Variants in ATG7 observed in about 807,000 individuals in gnomAD.
ATG7 encodes ubiquitin-like modifier-activating enzyme ATG7.
In ATG7, 70 loss-of-function variants were observed where a neutral mutation model predicts 82.4. The observed-to-expected ratio is 0.85, with a 90% CI of 0.70 to 1.04. The LOEUF is 1.04. Among genes scored for constraint, ATG7 ranks in the 50% least tolerant of loss-of-function variants. The pLI is 0.00. For synonymous variants in ATG7, 287 were observed against 313.0 expected (o/e 0.92, Z 0.88); for missense variants, 792 against 864.3 (o/e 0.92, Z 1.05).
chr3:11,569,036 C>T, the ATG7 span: 2 of 728,394 alleles, frequency 2.7e-6, no homozygotes, highest in South Asian at 1.1e-4. Context: ...GCCACACGCT[C>T]TCTAAGCTAA....
intron 19 of ATG7, among the ~76,000 whole-genome samples, chr3:11,385,174 C>T (rs1183467703): frequency 6.6e-6 from 1 of 152,102 alleles, no homozygotes. Flanking sequence ...GGACTACAGG[C>T]GTGCGCCACC....
intron 11 of ATG7, among the ~76,000 whole-genome samples, chr3:11,333,455 C>G (rs555743512): frequency 6.6e-6 from 1 of 152,270 alleles, no homozygotes; most frequent in East Asian, 1.9e-4. Flanking sequence ...TTGTTATATA[C>G]TTAAAGTTGT....
chr3:11,528,122 A>T (rs1053726815), intron 20 of ATG7, among the ~76,000 whole-genome samples: 3 of 152,226 alleles, frequency 2.0e-5, no homozygotes, highest in Non-Finnish European at 4.4e-5. Context: ...GAACAACTTA[A>T]TGAAGTAAAG....
intron 20 of ATG7, among the ~76,000 whole-genome samples, chr3:11,436,872 C>T (rs1015298286): frequency 6.6e-6 from 1 of 152,086 alleles, no homozygotes; most frequent in African/African-American, 2.4e-5. Context: ...TCCATATAGT[C>T]AAGAAAGTAG....
At chr3:11,358,237 G>A (rs1167525978) in intron 14 of ATG7, among the ~76,000 whole-genome samples, 181 bp from the exon 15 acceptor site, 1 of 152,078 alleles carries the variant, frequency 6.6e-6, no homozygotes, top group African/African-American at 2.4e-5. Flanking sequence ...GATAGGTCAA[G>A]GTGTTCTAGG....
chr3:11,294,031 A>AG (rs201963236), intron 3 of ATG7, among the ~76,000 whole-genome samples: 5,495 of 150,946 alleles, frequency 0.036, 113 homozygotes, highest in African/African-American at 0.048. Context: ...AAAAAAAAAA[A>AG]AAAGAAAAAG....
chr3:11,489,495 T>TTC, intron 20 of ATG7, among the ~76,000 whole-genome samples: 1 of 78,558 alleles, frequency 1.3e-5, no homozygotes, highest in Non-Finnish European at 2.6e-5. Flanking sequence ...TTCTGCTCTT[T>TTC]AGTTATTTCT....
Position 11,291,304 on chromosome 3 carries a change from T to C in ATG7, c.-10-7382T>C, listed in dbSNP as rs561144329. ...TAGCTCTGGCCAGGGCCTTTTTGTT[T>C]TGACTGTTGGAGAGGAGGTTAGCTT... On this transcript the variant is annotated intron_variant, in intron 3 of 20. Transcript: ENST00000693202. Among the ~76,000 whole-genome samples, 6 of 152,350 alleles carry C rather than the reference T, an allele frequency of 3.9e-5. 1 individual carries two copies. In the South Asian group the frequency reaches 1.2e-3, roughly 32 times the overall value.
At chr3:11,396,718 G>A (rs1235978965) in intron 19 of ATG7, among the ~76,000 whole-genome samples, 1 of 149,506 alleles carries the variant, frequency 6.7e-6, no homozygotes, top group Non-Finnish European at 1.5e-5. Flanking sequence ...AGAGGTGAAA[G>A]TTGCAGTGAG....
At chr3:11,334,827 G>A (rs73127221) in intron 11 of ATG7, among the ~76,000 whole-genome samples, 2,120 of 151,608 alleles carry the variant, frequency 0.014, 50 homozygotes, top group African/African-American at 0.048. Flanking sequence ...GTGTGGTGGC[G>A]GGCGTCTGTA....
chr3:11,562,962 C>T, the ATG7 span, among the ~76,000 whole-genome samples: 2 of 152,244 alleles, frequency 1.3e-5, no homozygotes. Flanking sequence ...GGCAGCCAGG[C>T]CCATTCCAGG....
At chr3:11,405,383 TAGG>T (rs2080233347) in intron 19 of ATG7, among the ~76,000 whole-genome samples, 1 of 152,152 alleles carries the variant, frequency 6.6e-6, no homozygotes, top group African/African-American at 2.4e-5. Flanking sequence ...GCGATGAGAA[TAGG>T]AGAAGTTGAA....
At chr3:11,347,729 C>T in intron 13 of ATG7, 148 bp from the exon 14 acceptor site, 1 of 782,398 alleles carries the variant, frequency 1.3e-6, no homozygotes, top group Non-Finnish European at 1.9e-6. Flanking sequence ...TTTATCGTAA[C>T]CTGAATTTGC....
chr3:11,573,587 G>A, the ATG7 span, among the ~76,000 whole-genome samples: 1 of 152,168 alleles, frequency 6.6e-6, no homozygotes, highest in Admixed American at 6.5e-5. Flanking sequence ...TGCTGCTGCT[G>A]TGTATCCTCG....
intron 4 of ATG7, 43 bp from the exon 5 acceptor site, chr3:11,299,319 A>C (rs767291563): frequency 6.4e-7 from 1 of 1,570,056 alleles, no homozygotes; most frequent in Admixed American, 1.7e-5. Context: ...GAACGCTGCT[A>C]TTTCTGACTT....
chr3:11,309,038 A>G lies in ATG7; in HGVS notation c.388A>G (p.Lys130Glu), dbSNP rs746687312. The change falls in exon 7 of 21, where the codon AAG (lysine) becomes GAG (glutamate). Residue 130 changes from lysine (K) to glutamate (E), a missense_variant. Lys to Glu is a moderately conservative substitution (Grantham distance 56). Coordinates refer to ENST00000693202, the MANE Select transcript of ATG7 (RefSeq NM_001349232.2). ...TCTTGAAAACCCTGTACTCCTCAAC[A>G]AGTTCCTCCTCTTGACATTTGCAGT... Reference protein sequence around the residue: ...TALENPVLLNKFLLLTFADLK... With the variant: ...TALENPVLLNEFLLLTFADLK... 5 of 1,613,956 alleles carry G rather than the reference A, an allele frequency of 3.1e-6. No individual in the cohort carries two copies. In the South Asian group the frequency reaches 4.4e-5, roughly 14 times the overall value.
chr3:11,511,347 T>G (rs1192619200), intron 20 of ATG7, among the ~76,000 whole-genome samples: 1 of 152,188 alleles, frequency 6.6e-6, no homozygotes, highest in Non-Finnish European at 1.5e-5. Context: ...ATCATATTAG[T>G]TAGATACAGA....
intron 20 of ATG7, among the ~76,000 whole-genome samples, chr3:11,497,362 T>TATATATATAC (rs2090919789): frequency 1.7e-5 from 1 of 58,480 alleles, no homozygotes; most frequent in Non-Finnish European, 3.6e-5. Context: ...AAATACTATA[T>TATATATATAC]ATATATATAT....
intron 19 of ATG7, among the ~76,000 whole-genome samples, chr3:11,396,744 C>T (rs181613762): frequency 2.7e-5 from 4 of 146,852 alleles, no homozygotes; most frequent in African/African-American, 1.0e-4. Flanking sequence ...ATGGCGCCAC[C>T]GCACTCCAGC....
Sources: allele counts gnomAD v4.1 joint callset (sites outside exome capture counted in the v4.1 genomes callset), GRCh38; gene constraint gnomAD v4.1.1; transcripts MANE v1.5; gene names NCBI Gene and HGNC (gene_info 2026-07-23, HGNC 2026-07-21).